PRKG1: variants seen among roughly 807,000 people sequenced by gnomAD.
The protein encoded by PRKG1 is cGMP-dependent protein kinase 1.
PRKG1 carries 35 observed loss-of-function variants against 88.1 expected under a neutral mutation model. The observed-to-expected ratio is 0.40, with a 90% CI of 0.30 to 0.53. The LOEUF is 0.53. PRKG1 is among the 20% of genes least tolerant of loss of function. PRKG1 has a pLI of 0.59. For missense variants in PRKG1, 540 were observed against 839.8 expected, an observed-to-expected ratio of 0.64 and a Z score of 4.41; for synonymous variants, 303 against 292.5, an observed-to-expected ratio of 1.04 and a Z score of -0.37.
intron 2 of PRKG1, among the ~76,000 whole-genome samples, chr10:51,307,273 C>T (rs759647303): frequency 1.3e-5 from 2 of 152,016 alleles, no homozygotes; most frequent in African/African-American, 2.4e-5. Context: ...TACCATGTTC[C>T]AGATACTGCC....
chr10:51,540,709 GT>G (rs982630135), intron 3 of PRKG1, among the ~76,000 whole-genome samples: 4 of 151,694 alleles, frequency 2.6e-5, no homozygotes, highest in Non-Finnish European at 4.4e-5. Context: ...CAGTATAGTA[GT>G]TTTTTTGTTT....
intron 1 of PRKG1, among the ~76,000 whole-genome samples, chr10:51,053,396 A>G (rs1241800572): frequency 6.6e-6 from 1 of 152,116 alleles, no homozygotes; most frequent in Non-Finnish European, 1.5e-5. Flanking sequence ...AGTTTTTAAA[A>G]TTGTATTTTT....
At chr10:51,806,390 G>A (rs997685823) in intron 4 of PRKG1, among the ~76,000 whole-genome samples, 6 of 152,072 alleles carry the variant, frequency 3.9e-5, no homozygotes, top group African/African-American at 9.7e-5. Context: ...CTGTGCATAC[G>A]CACGTGTGTA....
intron 3 of PRKG1, among the ~76,000 whole-genome samples, chr10:51,772,383 T>C (rs1157074786): frequency 6.6e-6 from 1 of 152,048 alleles, no homozygotes; most frequent in Non-Finnish European, 1.5e-5. Flanking sequence ...TAATTAGAAA[T>C]AGGGTATTTA....
intron 4 of PRKG1, among the ~76,000 whole-genome samples, chr10:51,840,084 A>C (rs1372907468): frequency 6.6e-6 from 1 of 152,130 alleles, no homozygotes; most frequent in African/African-American, 2.4e-5. Context: ...CTTTCTCCCT[A>C]ATGTCCATCT....
intron 1 of PRKG1, among the ~76,000 whole-genome samples, chr10:51,003,189 C>T (rs1842907518): frequency 6.6e-6 from 1 of 151,264 alleles, no homozygotes; most frequent in Non-Finnish European, 1.5e-5. Context: ...ACAACAACAA[C>T]AACAACAACA....
intron 1 of PRKG1, among the ~76,000 whole-genome samples, chr10:51,053,277 G>A (rs146789057): frequency 6.0e-4 from 90 of 150,860 alleles, no homozygotes; most frequent in African/African-American, 1.8e-3. Context: ...ATTTTCCACC[G>A]CCACCTCATA....
intron 2 of PRKG1, among the ~76,000 whole-genome samples, chr10:51,345,431 G>A (rs935082311): frequency 2.0e-5 from 3 of 151,992 alleles, no homozygotes; most frequent in African/African-American, 7.2e-5. Flanking sequence ...TATGGTTTGA[G>A]TGTTACTGTG....
chr10:52,139,483 C>T lies in PRKG1; in HGVS notation c.1001+5578C>T, dbSNP rs1415528406. ...TGTCTTCCTCCATTTCCTGTTACTG[C>T]GTTTATTCAGATATTCAACTCCAAG... On this transcript the variant is annotated intron_variant, in intron 8 of 17. Transcript: ENST00000373980. Among the ~76,000 whole-genome samples, 43 of 151,944 alleles carry T rather than the reference C, an allele frequency of 2.8e-4. 2 individuals carry two copies. The highest frequency in any genetic ancestry group is 1.9e-4 in the East Asian group (1 of 5,168).
intron 2 of PRKG1, among the ~76,000 whole-genome samples, chr10:51,171,839 A>G (rs563041633): frequency 4.6e-5 from 7 of 152,108 alleles, no homozygotes; most frequent in East Asian, 1.9e-4. Context: ...CATGTTCAGT[A>G]TATGCTGGTT....
At chr10:51,999,065 A>T (rs1484797240) in intron 5 of PRKG1, among the ~76,000 whole-genome samples, 1 of 152,130 alleles carries the variant, frequency 6.6e-6, no homozygotes, top group Non-Finnish European at 1.5e-5. Context: ...TTTGGGGTTT[A>T]GGGGAGCTTT....
chr10:51,141,883 G>A (rs1845829538), intron 1 of PRKG1, among the ~76,000 whole-genome samples: 1 of 152,100 alleles, frequency 6.6e-6, no homozygotes, highest in African/African-American at 2.4e-5. Flanking sequence ...AGACTTCTCT[G>A]AAATATTATA....
intron 2 of PRKG1, among the ~76,000 whole-genome samples, chr10:51,179,891 TC>T (rs1837300201): frequency 6.6e-6 from 1 of 152,140 alleles, no homozygotes. Context: ...ATAATCATAG[TC>T]CCTACTTTGT....
At chr10:51,451,538 C>T (rs1839438172) in intron 2 of PRKG1, among the ~76,000 whole-genome samples, 1 of 151,896 alleles carries the variant, frequency 6.6e-6, no homozygotes, top group Non-Finnish European at 1.5e-5. Context: ...CATGGAAATA[C>T]TAGACACACA....
At chr10:51,228,837 C>A (rs1244388582) in intron 2 of PRKG1, among the ~76,000 whole-genome samples, 1 of 152,208 alleles carries the variant, frequency 6.6e-6, no homozygotes, top group Non-Finnish European at 1.5e-5. Context: ...CTTCCCCAGA[C>A]TAATAAAGCC....
intron 2 of PRKG1, among the ~76,000 whole-genome samples, chr10:51,439,532 C>T (rs905635740): frequency 1.1e-4 from 17 of 151,750 alleles, no homozygotes; most frequent in African/African-American, 4.1e-4. Context: ...ACTCCTTTCC[C>T]ACCTAAAAAC....
chr10:51,648,574 T>A (rs1308156750), intron 3 of PRKG1, among the ~76,000 whole-genome samples: 1 of 152,184 alleles, frequency 6.6e-6, no homozygotes, highest in Non-Finnish European at 1.5e-5. Context: ...CAGGTGGCAC[T>A]AGATATTTTT....
intron 2 of PRKG1, among the ~76,000 whole-genome samples, chr10:51,421,529 G>A (rs1405321408): frequency 7.2e-5 from 11 of 152,066 alleles, no homozygotes; most frequent in Admixed American, 7.2e-4. Flanking sequence ...CCTGCCTGGA[G>A]AGACACTTTC....
intron 7 of PRKG1, among the ~76,000 whole-genome samples, chr10:52,105,261 C>A (rs1190664335): frequency 6.6e-6 from 1 of 151,990 alleles, no homozygotes; most frequent in Non-Finnish European, 1.5e-5. Flanking sequence ...CAGAAGGAAG[C>A]AGAAATTATA....
Sources: gnomAD v4.1 joint callset for allele counts (sites outside exome capture counted in the v4.1 genomes callset) on GRCh38, gnomAD v4.1.1 for gene constraint, MANE v1.5 for transcripts, NCBI Gene and HGNC (gene_info 2026-07-23, HGNC 2026-07-21) for gene names.